Variants in OR5H1 observed in about 807,000 individuals in gnomAD.
The protein encoded by OR5H1 is olfactory receptor 5H1.
For synonymous variants in OR5H1, 124 were observed against 134.4 expected (o/e 0.92, Z 0.54); for missense variants, 378 against 366.8 (o/e 1.03, Z -0.25).
Position 98,134,595 on chromosome 3 carries a change from A to C in OR5H1, c.*956A>C, listed in dbSNP as rs1708299269. 6.6e-6 allele frequency: 1 copy of C among 152,074 alleles called. No homozygotes were observed. The highest frequency in any genetic ancestry group is 6.6e-5 in the Admixed American group (1 of 15,242). The allele number at this position is 152,074 out of a possible 1,614,324, so 9.4% of individuals were successfully genotyped here. ...TCATGGTGCCCAGCAAGAGGAAGCA[A>C]AAACAAAAAAATGAGGTAAGATTTT... On this transcript the variant is annotated 3_prime_UTR_variant, in exon 2 of 2. Coordinates refer to ENST00000641874, the MANE Select transcript of OR5H1 (RefSeq NM_001005338.2).
Position 98,132,791 on chromosome 3 carries a change from T to A in OR5H1, c.94T>A (p.Leu32Met). The change falls in exon 2 of 2, where the codon TTG (leucine) becomes ATG (methionine). Residue 32 changes from leucine (L) to methionine (M), a missense_variant. Coordinates refer to ENST00000641874, the MANE Select transcript of OR5H1 (RefSeq NM_001005338.2). The part of the protein sequence containing the change: ...QWKIPLFLAF[L>M]VIYLITIMGN... ...GAAAATACCCCTGTTCCTGGCATTC[T>A]TGGTAATATATCTCATCACCATCAT... 6.2e-7 allele frequency: 1 copy of A among 1,613,572 alleles called. No individual in the cohort carries two copies. Among genetic ancestry groups the A allele is most frequent in the Non-Finnish European group, 8.5e-7 (1 of 1,179,602 alleles).
Position 98,132,671 on chromosome 3 carries a change from T to G in OR5H1, c.-18-9T>G. The G allele has an allele frequency of 6.2e-7, 1 of 1,606,088 alleles. No individual in the cohort carries two copies. Among genetic ancestry groups the G allele is most frequent in the Non-Finnish European group, 8.5e-7 (1 of 1,175,316 alleles). On this transcript the variant is annotated splice_polypyrimidine_tract_variant and intron_variant, in intron 1 of 1. Transcript: ENST00000641874. ...AATGTTCCCTTTCATTTGTTGCATT[T>G]TATTTTAGAGGGCATGCTGTGAGGA...
At position 98,133,496 on chromosome 3, in the gene OR5H1, G is replaced by C. The variant is rs761949326; in HGVS notation, c.799G>C (p.Ala267Pro). 1 of 1,613,494 alleles carries C rather than the reference G, an allele frequency of 6.2e-7. No individual in the cohort carries two copies. Among genetic ancestry groups the C allele is most frequent in the Non-Finnish European group, 8.5e-7 (1 of 1,179,646 alleles). The part of the protein sequence containing the change: ...FIYVGPASPQ[A>P]DDQDMVEPLF... ...TTATGTGGGCCCTGCATCTCCGCAA[G>C]CAGATGATCAAGATATGGTGGAGCC... The change falls in exon 2 of 2, where the codon GCA becomes CCA. Residue 267 changes from alanine to proline, a missense_variant. Transcript: ENST00000641874.
chr3:98,136,433 C>T lies in OR5H1; in HGVS notation c.*2794C>T, dbSNP rs1002435851. 2 of 152,162 alleles carry T rather than the reference C, an allele frequency of 1.3e-5. No individual in the cohort carries two copies. Among genetic ancestry groups the T allele is most frequent in the Non-Finnish European group, 2.9e-5 (2 of 68,038 alleles). The allele number at this position is 152,162 out of a possible 1,614,324, so 9.4% of individuals were successfully genotyped here. ...ATACATTTAGGTAAACTCCCCTGTA[C>T]TCAAAAAGGTCCTAAAAGTATATTT... On this transcript the variant is annotated 3_prime_UTR_variant, in exon 2 of 2. Transcript: ENST00000641874.
rs1416706243 is a variant in OR5H1 at position 98,134,936 on chromosome 3, A to T, written c.*1297A>T. The T allele has an allele frequency of 6.6e-6, 1 of 152,082 alleles. No homozygotes were observed. Among genetic ancestry groups the T allele is most frequent in the Non-Finnish European group, 1.5e-5 (1 of 67,988 alleles). 9.4% of individuals were successfully genotyped at this position (152,082 alleles called of 1,614,324 possible). On this transcript the variant is annotated 3_prime_UTR_variant, in exon 2 of 2. Coordinates refer to ENST00000641874, the MANE Select transcript of OR5H1 (RefSeq NM_001005338.2). ...CTTCAATTCCTTTTGTTAGATTGTC[A>T]TTGCTACCAGATTATATGCATGTAT...
intron 1 of OR5H1, among the ~76,000 whole-genome samples, chr3:98,132,260 C>T (rs1406499114): frequency 6.6e-6 from 1 of 151,942 alleles, no homozygotes; most frequent in South Asian, 2.1e-4. Flanking sequence ...GATGTAATTT[C>T]CCATCTTAAA....
In OR5H1 at chr3:98,134,542, G is replaced by A. The variant is rs1004917225; in HGVS notation, c.*903G>A. 1 of 152,010 alleles carries A rather than the reference G, an allele frequency of 6.6e-6. No homozygotes were observed. Among genetic ancestry groups the A allele is most frequent in the African/African-American group, 2.4e-5 (1 of 41,404 alleles). The allele number at this position is 152,010 out of a possible 1,614,324, so 9.4% of individuals were successfully genotyped here. A position where few individuals can be genotyped will look rare whatever the true frequency, so the allele number is the denominator to read the frequency against. ...GAAGTTTTAAATGCCTGTCATGTAA[G>A]TTCAAATAATGTTAACATGATACGA... On this transcript the variant is annotated 3_prime_UTR_variant, in exon 2 of 2. Transcript: ENST00000641874.
Position 98,133,732 on chromosome 3 carries a change from A to G in OR5H1, c.*93A>G. 2.0e-6 allele frequency: 2 copies of G among 978,792 alleles called. No homozygotes were observed. The highest frequency in any genetic ancestry group is 1.6e-6 in the Non-Finnish European group (1 of 641,014). The allele number at this position is 978,792 out of a possible 1,614,324, so 60.6% of individuals were successfully genotyped here. ...GTGTTCAAACATTTTTGCAAGTACA[A>G]CTGTTCTAGCACTTTAGTGAGCTAA... is the stretch of plus-strand genomic sequence containing the variant. On this transcript the variant is annotated 3_prime_UTR_variant, in exon 2 of 2. Coordinates refer to ENST00000641874, the MANE Select transcript of OR5H1 (RefSeq NM_001005338.2).
chr3:98,133,728 T>G lies in OR5H1; in HGVS notation c.*89T>G. The stretch of plus-strand genomic sequence containing the variant: ...TCCAGTGTTCAAACATTTTTGCAAG[T>G]ACAACTGTTCTAGCACTTTAGTGAG... On this transcript the variant is annotated 3_prime_UTR_variant, in exon 2 of 2. Coordinates refer to ENST00000641874, the MANE Select transcript of OR5H1 (RefSeq NM_001005338.2). The G allele has an allele frequency of 9.5e-7, 1 of 1,054,570 alleles. No homozygotes were observed. The allele number at this position is 1,054,570 out of a possible 1,614,324, so 65.3% of individuals were successfully genotyped here. A position where few individuals can be genotyped will look rare whatever the true frequency, so the allele number is the denominator to read the frequency against.
chr3:98,133,920 T>C lies in OR5H1; in HGVS notation c.*281T>C, dbSNP rs1708288719. On this transcript the variant is annotated 3_prime_UTR_variant, in exon 2 of 2. Coordinates refer to ENST00000641874, the MANE Select transcript of OR5H1 (RefSeq NM_001005338.2). ...AATGTGCATTTATAAATGCATTAATTGCTAAAATAGCCTAGTTTATCATAT... is the reference window on the plus strand; with the variant it reads ...AATGTGCATTTATAAATGCATTAATCGCTAAAATAGCCTAGTTTATCATAT... 3 of 301,072 alleles carry C rather than the reference T, an allele frequency of 1.0e-5. No individual in the cohort carries two copies. Among genetic ancestry groups the C allele is most frequent in the Non-Finnish European group, 1.9e-5 (3 of 160,702 alleles). The allele number at this position is 301,072 out of a possible 1,614,324, so 18.7% of individuals were successfully genotyped here. A position where few individuals can be genotyped will look rare whatever the true frequency, so the allele number is the denominator to read the frequency against.
chr3:98,133,087 A>G lies in OR5H1; in HGVS notation c.390A>G (p.Leu130=), dbSNP rs369060323. 28 of 1,613,444 alleles carry G rather than the reference A, an allele frequency of 1.7e-5. No individual in the cohort carries two copies. Among genetic ancestry groups the G allele is most frequent in the Non-Finnish European group, 2.3e-5 (27 of 1,179,684 alleles). ...GCTATGTAGCCATATGCAAACCTTT[A>G]CTTTATCCAGCCATTATGACCAATG... is the stretch of plus-strand genomic sequence containing the variant. ...YDRYVAICKP[L]LYPAIMTNGL... Residue 130 remains leucine (L), a synonymous_variant, in exon 2 of 2, where the codon TTA becomes TTG. Coordinates refer to ENST00000641874, the MANE Select transcript of OR5H1 (RefSeq NM_001005338.2).
In OR5H1 at chr3:98,132,683, G is replaced by T. The variant is rs374674910; in HGVS notation, c.-15G>T. 6.2e-7 allele frequency: 1 copy of T among 1,612,118 alleles called. No individual in the cohort carries two copies. The highest frequency in any genetic ancestry group is 1.1e-5 in the South Asian group (1 of 90,974). On this transcript the variant is annotated 5_prime_UTR_variant, in exon 2 of 2. Transcript: ENST00000641874. ...CATTTGTTGCATTTTATTTTAGAGG[G>T]CATGCTGTGAGGACATGGAAGAGGA...
Position 98,133,200 on chromosome 3 carries a change from T to C in OR5H1, c.503T>C (p.Phe168Ser), listed in dbSNP as rs1439017373. The change falls in exon 2 of 2, where the codon TTC becomes TCC. Residue 168 changes from phenylalanine (F) to serine (S), a missense_variant. Physicochemically the swap from Phe to Ser is radical, Grantham distance 155. Transcript: ENST00000641874. The part of the protein sequence containing the change: ...IHEGFLFRLT[F>S]CNSNIVHHIY... Reference sequence around the variant, plus strand: ...GAAGGATTTTTATTCAGACTAACCTTCTGTAACTCCAACATAGTACATCAC... The same window carrying C: ...GAAGGATTTTTATTCAGACTAACCTCCTGTAACTCCAACATAGTACATCAC... 1 of 1,612,834 alleles carries C rather than the reference T, an allele frequency of 6.2e-7. No individual in the cohort carries two copies. The highest frequency in any genetic ancestry group is 1.3e-5 in the African/African-American group (1 of 74,830).
At chr3:98,132,471 A>G (rs1708266741) in intron 1 of OR5H1, among the ~76,000 whole-genome samples, 1 of 152,054 alleles carries the variant, frequency 6.6e-6, no homozygotes, top group South Asian at 2.1e-4. Flanking sequence ...TGTTTTACCT[A>G]AATCTGCTAA....
At position 98,133,472 on chromosome 3, in the gene OR5H1, T is replaced by TA. The variant is rs1708283398; in HGVS notation, c.776dup (p.Tyr259Ter). ...SLYYGPLLFI[Y>*]VGPASPQADD... is the part of the protein sequence containing the mutation. The stretch of plus-strand genomic sequence containing the variant: ...ATACTATGGACCCCTTCTCTTCATT[T>TA]ATGTGGGCCCTGCATCTCCGCAAGC... Residue 259 changes from tyrosine to a stop codon, truncating the protein, a stop_gained and frameshift_variant, in exon 2 of 2, where the codon TAT becomes TAAT. Coordinates refer to ENST00000641874, the MANE Select transcript of OR5H1 (RefSeq NM_001005338.2). LOFTEE classifies it low-confidence loss of function (END_TRUNC). 1.2e-6 allele frequency: 2 copies of TA among 1,613,506 alleles called. No individual in the cohort carries two copies. Among genetic ancestry groups the TA allele is most frequent in the Admixed American group, 1.7e-5 (1 of 59,944 alleles).
In OR5H1 at chr3:98,133,447, A is replaced by G. The variant is rs112819024; in HGVS notation, c.750A>G (p.Leu250=). The G allele has an allele frequency of 0.01, 16,836 of 1,613,442 alleles. 108 individuals are homozygous for G. The highest frequency in any genetic ancestry group is 0.013 in the Non-Finnish European group (15,167 of 1,179,612). The change falls in exon 2 of 2, where the codon TTA becomes TTG. Residue 250 remains leucine (L), a synonymous_variant. Transcript: ENST00000641874. ...GAGCCCATCTCTTCTCTGTCTCTTT[A>G]TACTATGGACCCCTTCTCTTCATTT... The part of the protein sequence containing the change: ...TCGAHLFSVS[L]YYGPLLFIYV...
intron 1 of OR5H1, among the ~76,000 whole-genome samples, chr3:98,132,004 G>T (rs909461244): frequency 2.0e-5 from 3 of 151,794 alleles, no homozygotes; most frequent in African/African-American, 7.3e-5. Flanking sequence ...CATTTAACAT[G>T]CATTTGAATC....
chr3:98,138,201 G>C lies in OR5H1; in HGVS notation c.*4562G>C, dbSNP rs1708341803. 1 of 152,162 alleles carries C rather than the reference G, an allele frequency of 6.6e-6. No homozygotes were observed. Among genetic ancestry groups the C allele is most frequent in the East Asian group, 1.9e-4 (1 of 5,190 alleles). 9.4% of individuals were successfully genotyped at this position (152,162 alleles called of 1,614,324 possible). A position where few individuals can be genotyped will look rare whatever the true frequency, so the allele number is the denominator to read the frequency against. On this transcript the variant is annotated 3_prime_UTR_variant, in exon 2 of 2. Transcript: ENST00000641874. ...GTCGTGATCGATTGAGCAAGCCAGG[G>C]GGTACGTGACAGGGGCTGCGAGCAC...
In OR5H1 at chr3:98,133,785, AAT is replaced by A. The variant is rs1708287152; in HGVS notation, c.*149_*150del. 1.6e-6 allele frequency: 1 copy of A among 636,974 alleles called. No individual in the cohort carries two copies. The highest frequency in any genetic ancestry group is 2.7e-6 in the Non-Finnish European group (1 of 366,368). 39.5% of individuals were successfully genotyped at this position (636,974 alleles called of 1,614,324 possible). On this transcript the variant is annotated 3_prime_UTR_variant, in exon 2 of 2. Coordinates refer to ENST00000641874, the MANE Select transcript of OR5H1 (RefSeq NM_001005338.2). Reference sequence around the variant, plus strand: ...TTTTAGTACCTAATAAACTAATCGCAATATGTCTATATGTTATTCAAAAGCAT... The same window carrying A: ...TTTTAGTACCTAATAAACTAATCGCAATGTCTATATGTTATTCAAAAGCAT...
Sources: gnomAD v4.1 joint callset for allele counts (sites outside exome capture counted in the v4.1 genomes callset) on GRCh38, gnomAD v4.1.1 for gene constraint, MANE v1.5 for transcripts, NCBI Gene and HGNC (gene_info 2026-07-23, HGNC 2026-07-21) for gene names.